The following WDR93 variants were observed in gnomAD, a reference collection of about 807,000 sequenced individuals.
WDR93 encodes WD repeat domain 93.
A neutral mutation model predicts 82.9 loss-of-function variants in WDR93; 73 were observed. That is an observed-to-expected ratio of 0.88 (90% confidence interval 0.73 to 1.07). WDR93 has a LOEUF of 1.07. Among genes scored for constraint, WDR93 ranks in the 50% least tolerant of loss-of-function variants. The pLI is 0.00. For missense variants in WDR93, 738 were observed against 826.0 expected, an observed-to-expected ratio of 0.89 and a Z score of 1.31; for synonymous variants, 283 against 300.1, an observed-to-expected ratio of 0.94 and a Z score of 0.59.
At chr15:89,734,457 C>A (rs571184340) in intron 13 of WDR93, among the ~76,000 whole-genome samples, 5 of 152,256 alleles carry the variant, frequency 3.3e-5, no homozygotes, top group Admixed American at 2.0e-4. Context: ...TCTAAGGGCT[C>A]CTAGCAGCAG....
At position 89,722,038 on chromosome 15, in the gene WDR93, C is replaced by T; in HGVS notation, c.796-17C>T. The T allele has an allele frequency of 6.6e-7, 1 of 1,513,190 alleles. No homozygotes were observed. Among genetic ancestry groups the T allele is most frequent in the Non-Finnish European group, 9.1e-7 (1 of 1,097,402 alleles). The allele number at this position is 1,513,190 out of a possible 1,614,324, so 93.7% of individuals were successfully genotyped here. On this transcript the variant is annotated splice_polypyrimidine_tract_variant and intron_variant, in intron 7 of 16. Coordinates refer to ENST00000268130, the MANE Select transcript of WDR93 (RefSeq NM_020212.2). ...CTCTTCTCTTGGCTTATTAACTATG[C>T]CTTTTCCTTGTTTTAGGATGCAAAT...
rs889230032 is a variant in WDR93, at chr15:89,701,813, T to C, written c.67T>C (p.Leu23=). 1.2e-6 allele frequency: 2 copies of C among 1,613,992 alleles called. No individual in the cohort carries two copies. The highest frequency in any genetic ancestry group is 1.3e-5 in the African/African-American group (1 of 74,906). ...CCCCATTGGTACACGAAAGGGACCA[T>C]TGGAGGTGCCACCCCCAACAGAGAA... ...KHPIGTRKGP[L]EVPPPTEKDW... is the part of the protein sequence containing the mutation. Residue 23 remains leucine, a synonymous_variant, in exon 2 of 17, where the codon TTG becomes CTG. Coordinates refer to ENST00000268130, the MANE Select transcript of WDR93 (RefSeq NM_020212.2).
At position 89,724,136 on chromosome 15, in the gene WDR93, C is replaced by T. The variant is rs575628816; in HGVS notation, c.880+1997C>T. ...CAGATTGCTTGTGAGCTCAGGAGTT[C>T]GAGACCATCCTGGGCAACATGGAGA... On this transcript the variant is annotated intron_variant, in intron 8 of 16. Transcript: ENST00000268130. Among the ~76,000 whole-genome samples the T allele has an allele frequency of 9.6e-4, 146 of 151,640 alleles. 1 individual carries two copies. Among genetic ancestry groups the T allele is most frequent in the African/African-American group, 3.4e-3 (139 of 41,250 alleles).
chr15:89,690,486 C>T (rs1031271683), upstream of WDR93: 1 of 914,308 alleles, frequency 1.1e-6, no homozygotes, highest in Non-Finnish European at 1.7e-6. Flanking sequence ...ATCTACTAGG[C>T]TATCACCTCC....
Position 89,743,502 on chromosome 15 carries a change from CA to C in WDR93, c.*112del. 1 of 1,013,936 alleles carries C rather than the reference CA, an allele frequency of 9.9e-7. No homozygotes were observed. Among genetic ancestry groups the C allele is most frequent in the Non-Finnish European group, 1.5e-6 (1 of 677,880 alleles). The allele number at this position is 1,013,936 out of a possible 1,614,324, so 62.8% of individuals were successfully genotyped here. On this transcript the variant is annotated 3_prime_UTR_variant, in exon 17 of 17. Coordinates refer to ENST00000268130, the MANE Select transcript of WDR93 (RefSeq NM_020212.2). The stretch of plus-strand genomic sequence containing the variant: ...ACAGAGCCACAGCTCCACAGGCCTG[CA>C]CTCGGAGTCTGGGGCCTCTGCAGAG...
chr15:89,729,765 A>G lies in WDR93; in HGVS notation c.1206A>G (p.Lys402=). Residue 402 remains lysine (K), a synonymous_variant, in exon 11 of 17, where the codon AAA becomes AAG. Transcript: ENST00000268130. ...CACTAAACCGAACTCTAAAGGATAAAGCTGGTACTTTACTGCTGAGATGGG... is the reference window on the plus strand; with the variant it reads ...CACTAAACCGAACTCTAAAGGATAAGGCTGGTACTTTACTGCTGAGATGGG... ...LYSLNRTLKD[K]ADPEGVWPCA... 1 of 1,613,218 alleles carries G rather than the reference A, an allele frequency of 6.2e-7. No homozygotes were observed. Among genetic ancestry groups the G allele is most frequent in the African/African-American group, 1.3e-5 (1 of 74,998 alleles).
intron 11 of WDR93, among the ~76,000 whole-genome samples, chr15:89,730,804 T>G (rs1443352606): frequency 6.6e-6 from 1 of 151,968 alleles, no homozygotes; most frequent in Admixed American, 6.6e-5. Context: ...GAGGATCACT[T>G]GAGCCCAGGA....
chr15:89,733,078 C>G lies in WDR93; in HGVS notation c.1403C>G (p.Ser468Trp), dbSNP rs368092361. ...AGCATTCACTTCCTAAAATATTTCT[C>G]GGTCCACAAAGGACAGAATATGTAT... ...CQSIHFLKYFSVHKGQNMYPE... is the reference protein window; with the variant it reads ...CQSIHFLKYFWVHKGQNMYPE... Residue 468 changes from serine to tryptophan, a missense_variant, in exon 13 of 17, where the codon TCG becomes TGG. By Grantham distance (177) the Ser-to-Trp change is radical. Coordinates refer to ENST00000268130, the MANE Select transcript of WDR93 (RefSeq NM_020212.2). The G allele has an allele frequency of 1.9e-6, 3 of 1,614,052 alleles. No homozygotes were observed. The African/African-American group carries it at 4.0e-5, about 22-fold the overall frequency.
At chr15:89,736,164 G>T (rs568756907) in intron 14 of WDR93, among the ~76,000 whole-genome samples, 1 of 152,348 alleles carries the variant, frequency 6.6e-6, no homozygotes, top group South Asian at 2.1e-4. Flanking sequence ...ATGGAGAGTT[G>T]AGAGATCTCA....
At chr15:89,730,096 G>A (rs559455880) in intron 11 of WDR93, among the ~76,000 whole-genome samples, 4 of 152,216 alleles carry the variant, frequency 2.6e-5, no homozygotes, top group Middle Eastern at 3.4e-3. Context: ...AGGCCGAGGC[G>A]AGTGGATCAC....
intron 15 of WDR93, 31 bp downstream of exon 15, chr15:89,737,760 T>G (rs1472097533): frequency 1.2e-6 from 2 of 1,613,004 alleles, no homozygotes; most frequent in Non-Finnish European, 1.7e-6. Context: ...TGATGCCCAC[T>G]GACCATTTCC....
At position 89,701,854 on chromosome 15, in the gene WDR93, C is replaced by G; in HGVS notation, c.108C>G (p.Asp36Glu). 6.2e-7 allele frequency: 1 copy of G among 1,614,194 alleles called. No individual in the cohort carries two copies. Among genetic ancestry groups the G allele is most frequent in the Non-Finnish European group, 8.5e-7 (1 of 1,180,036 alleles). The stretch of plus-strand genomic sequence containing the variant: ...CAACAGAGAAGGACTGGCCTAAAGA[C>G]GATGAACAGGATCATGTCCTCGTGG... ...PPPTEKDWPKDDEQDHVLVDP... is the reference protein window; with the variant it reads ...PPPTEKDWPKEDEQDHVLVDP... The change falls in exon 2 of 17, where the codon GAC becomes GAG. Residue 36 changes from aspartate to glutamate, a missense_variant. Physicochemically the swap from Asp to Glu is conservative, Grantham distance 45. Transcript: ENST00000268130.
rs753453742 is a variant in WDR93 at position 89,701,891 on chromosome 15, G to A, written c.145G>A (p.Glu49Lys). The change falls in exon 2 of 17, where the codon GAG (glutamate) becomes AAG (lysine). Residue 49 changes from glutamate (E) to lysine (K), a missense_variant. Transcript: ENST00000268130. Reference protein sequence around the residue: ...QDHVLVDPDEELDSLPQPYRM... With the variant: ...QDHVLVDPDEKLDSLPQPYRM... ...TCATGTCCTCGTGGATCCAGATGAG[G>A]AGCTGGATTCCTTGCCTCAGCCTTA... The A allele has an allele frequency of 1.9e-6, 3 of 1,614,078 alleles. No homozygotes were observed. In the Admixed American group the frequency reaches 5.0e-5, roughly 27 times the overall value.
intron 16 of WDR93, among the ~76,000 whole-genome samples, chr15:89,740,565 G>C (rs1468449631): frequency 6.6e-6 from 1 of 152,134 alleles, no homozygotes; most frequent in African/African-American, 2.4e-5. Context: ...GCACTGGCGC[G>C]ATCTCGGCTC....
chr15:89,735,955 G>A (rs1037442322), intron 14 of WDR93, among the ~76,000 whole-genome samples: 8 of 152,138 alleles, frequency 5.3e-5, no homozygotes, highest in African/African-American at 1.4e-4. Context: ...CACGTGTCCC[G>A]GGCACTGCAG....
chr15:89,720,911 T>C (rs546377467), intron 7 of WDR93, among the ~76,000 whole-genome samples: 6 of 152,174 alleles, frequency 3.9e-5, no homozygotes, highest in South Asian at 4.2e-4. Flanking sequence ...TCTGTACTTA[T>C]TGAAAAAGGA....
intron 16 of WDR93, 111 bp downstream of exon 16, chr15:89,738,347 C>A: frequency 1.5e-6 from 2 of 1,343,226 alleles, no homozygotes; most frequent in Non-Finnish European, 2.0e-6. Context: ...TTTCCCCTGG[C>A]TGGGCGTGGT....
intron 14 of WDR93, 114 bp downstream of exon 14, chr15:89,735,667 T>C: frequency 9.5e-7 from 1 of 1,052,616 alleles, no homozygotes. Context: ...TGTTAGGCAC[T>C]GGACTAGCTT....
At chr15:89,711,010 A>G (rs72752569) in intron 4 of WDR93, among the ~76,000 whole-genome samples, 29,547 of 152,180 alleles carry the variant, frequency 0.19, 3,065 homozygotes, top group Middle Eastern at 0.3. Context: ...CTAGGCAATA[A>G]CCACCAATGG....
Sources: gnomAD v4.1 joint callset for allele counts (sites outside exome capture counted in the v4.1 genomes callset) on GRCh38, gnomAD v4.1.1 for gene constraint, MANE v1.5 for transcripts, NCBI Gene and HGNC (gene_info 2026-07-23, HGNC 2026-07-21) for gene names.